PLEKHG4B: variants seen among roughly 807,000 people sequenced by gnomAD.
PLEKHG4B encodes the protein pleckstrin homology domain-containing family G member 4B.
A neutral mutation model predicts 121.3 loss-of-function variants in PLEKHG4B; 111 were observed. The observed-to-expected ratio is 0.92, with a 90% confidence interval of 0.78 to 1.07. PLEKHG4B has a LOEUF of 1.07. PLEKHG4B is among the 50% of genes least tolerant of loss of function. The pLI, the probability that PLEKHG4B is intolerant of heterozygous loss-of-function variation, is 0.00. For missense variants in PLEKHG4B, 1,831 were observed against 1,757.8 expected (o/e 1.04, Z -0.74); for synonymous variants, 738 against 725.0 (o/e 1.02, Z -0.29).
At position 169,546 on chromosome 5, in the gene PLEKHG4B, G is replaced by A. The variant is rs745439198; in HGVS notation, c.3683G>A (p.Arg1228His). Residue 1228 changes from arginine (R) to histidine (H), a missense_variant, in exon 14 of 20, where the codon CGC (arginine) becomes CAC (histidine). By Grantham distance (29) the Arg-to-His change is conservative (BLOSUM62 0). Transcript: ENST00000637938. ...CAGCACTTCCTCCGGGAGCTGGAGC[G>A]CTGCCAGCACTGCCCCTTGGCCGTG... is the stretch of plus-strand genomic sequence containing the variant. ...HQQHFLRELE[R>H]CQHCPLAVGR... is the part of the protein sequence containing the mutation. 17 of 1,613,796 alleles carry A rather than the reference G, an allele frequency of 1.1e-5. No homozygotes were observed. The highest frequency in any genetic ancestry group is 2.2e-5 in the East Asian group (1 of 44,902).
chr5:165,779 G>C (rs545597277), intron 13 of PLEKHG4B, among the ~76,000 whole-genome samples: 8 of 20,450 alleles, frequency 3.9e-4, no homozygotes, highest in African/African-American at 1.1e-3. Context: ...GTAATCCTCT[G>C]ACGGGGCGGA....
In PLEKHG4B at chr5:157,824, C is replaced by T. The variant is rs1179305131; in HGVS notation, c.2487+913C>T. Among the ~76,000 whole-genome samples the T allele has an allele frequency of 6.6e-6, 1 of 152,176 alleles. No individual in the cohort carries two copies. Among genetic ancestry groups the T allele is most frequent in the Non-Finnish European group, 1.5e-5 (1 of 68,022 alleles). On this transcript the variant is annotated intron_variant, in intron 11 of 19. Coordinates refer to ENST00000637938, the MANE Select transcript of PLEKHG4B (RefSeq NM_052909.5). This position sits in a 1 kb window ranked among gnomAD's most constrained non-coding sequence, Gnocchi z 4.6. ...TGCGATGAATGTGCGGGTGAAAGAG[C>T]CAGCAGCATGGAGAGGCAGCAGTGG... is the stretch of plus-strand genomic sequence containing the variant.
intron 13 of PLEKHG4B, among the ~76,000 whole-genome samples, chr5:165,895 G>T (rs1736312645): frequency 4.9e-5 from 1 of 20,400 alleles, no homozygotes. Flanking sequence ...TGCTCTGACG[G>T]GGCGGAGCTC....
intron 1 of PLEKHG4B, among the ~76,000 whole-genome samples, chr5:102,482 T>G (rs370476551): frequency 4.3e-4 from 66 of 152,238 alleles, no homozygotes; most frequent in African/African-American, 1.6e-3. Context: ...TATCTCAGGG[T>G]AAACACTGCA....
Position 137,522 on chromosome 5 carries a change from G to C in PLEKHG4B, c.244-1961G>C, listed in dbSNP as rs1735019301. 1.3e-5 allele frequency among the ~76,000 whole-genome samples: 2 copies of C among 152,290 alleles called. No homozygotes were observed. The highest frequency in any genetic ancestry group is 3.9e-4 in the East Asian group (2 of 5,188). On this transcript the variant is annotated intron_variant, in intron 2 of 19. Coordinates refer to ENST00000637938, the MANE Select transcript of PLEKHG4B (RefSeq NM_052909.5). The surrounding 1 kb of genome is among the most constrained non-coding windows in gnomAD (Gnocchi z 4.2). ...CGGACCAGTTCCCTTCTACAGTGAA[G>C]AAACCCTATGCATATTGGAAATAGG... is the stretch of plus-strand genomic sequence containing the variant.
intron 2 of PLEKHG4B, among the ~76,000 whole-genome samples, chr5:119,033 A>AT (rs1734389767): frequency 1.3e-5 from 2 of 151,782 alleles, no homozygotes; most frequent in African/African-American, 4.8e-5. Flanking sequence ...TTATTTTTAA[A>AT]ATTTTTTGTA....
chr5:94,767 C>G (rs1048052669), intron 1 of PLEKHG4B, among the ~76,000 whole-genome samples: 1 of 152,014 alleles, frequency 6.6e-6, no homozygotes, highest in African/African-American at 2.4e-5. Context: ...ATCTTTTGTC[C>G]AAAGAACAGG....
In PLEKHG4B at chr5:137,382, C is replaced by T. The variant is rs759108392; in HGVS notation, c.244-2101C>T. Among the ~76,000 whole-genome samples the T allele has an allele frequency of 6.6e-6, 1 of 152,080 alleles. No homozygotes were observed. The highest frequency in any genetic ancestry group is 2.4e-5 in the African/African-American group (1 of 41,410). ...TACTTAATGCCACTGAACTGTACCC[C>T]GTAAACATAGTTATGCTGGTGAACT... On this transcript the variant is annotated intron_variant, in intron 2 of 19. Coordinates refer to ENST00000637938, the MANE Select transcript of PLEKHG4B (RefSeq NM_052909.5). The surrounding 1 kb of genome is among the most constrained non-coding windows in gnomAD (Gnocchi z 4.2).
In PLEKHG4B at chr5:162,637, C is replaced by T. The variant is rs562460612; in HGVS notation, c.2650-85C>T. 1.8e-5 allele frequency: 19 copies of T among 1,041,284 alleles called. 2 individuals are homozygous for T. In the South Asian group the frequency reaches 5.9e-4, roughly 32 times the overall value. The allele number at this position is 1,041,284 out of a possible 1,614,324, so 64.5% of individuals were successfully genotyped here. ...TCTGGCCCCCTGGTCCCTGAATAGG[C>T]TGACCTGGGGAACAGCAGGGCCTGA... is the stretch of plus-strand genomic sequence containing the variant. On this transcript the variant is annotated intron_variant, in intron 12 of 19. Coordinates refer to ENST00000637938, the MANE Select transcript of PLEKHG4B (RefSeq NM_052909.5).
chr5:138,035 T>C (rs957063841), intron 2 of PLEKHG4B, among the ~76,000 whole-genome samples: 6 of 152,224 alleles, frequency 3.9e-5, no homozygotes, highest in Non-Finnish European at 7.3e-5. Flanking sequence ...GGTGGGCCAA[T>C]GTCTGTATGG....
chr5:94,936 T>C (rs933450399), intron 1 of PLEKHG4B, among the ~76,000 whole-genome samples: 8 of 152,134 alleles, frequency 5.3e-5, no homozygotes, highest in East Asian at 1.9e-4. Context: ...TGAAAAGAGA[T>C]GTACACAAGC....
intron 1 of PLEKHG4B, among the ~76,000 whole-genome samples, chr5:102,993 C>A (rs545392977): frequency 3.3e-5 from 5 of 152,286 alleles, no homozygotes; most frequent in African/African-American, 7.2e-5. Flanking sequence ...GCTGAGGCTC[C>A]GGGTGAGGCA....
intron 8 of PLEKHG4B, 103 bp downstream of exon 8, chr5:155,094 C>A: frequency 9.7e-7 from 1 of 1,035,526 alleles, no homozygotes; most frequent in Non-Finnish European, 1.5e-6. Context: ...CGTCCCTGAT[C>A]TGATGCTTGT....
At chr5:126,236 C>T (rs954581342) in intron 2 of PLEKHG4B, among the ~76,000 whole-genome samples, 4 of 152,164 alleles carry the variant, frequency 2.6e-5, no homozygotes, top group African/African-American at 9.7e-5. Flanking sequence ...GCTGGCTGCT[C>T]GATGGTATCC....
At position 155,944 on chromosome 5, in the gene PLEKHG4B, G is replaced by A. The variant is rs1026990264; in HGVS notation, c.2209-127G>A. 15 of 952,544 alleles carry A rather than the reference G, an allele frequency of 1.6e-5. No homozygotes were observed. The African/African-American group carries it at 2.5e-4, about 16-fold the overall frequency. 59.0% of individuals were successfully genotyped at this position (952,544 alleles called of 1,614,324 possible). ...TCCGGACCATCAGCTTGAGGAGTGG[G>A]CACTGTCATGCCGCCAGGCCTGCAG... On this transcript the variant is annotated intron_variant, in intron 9 of 19. Coordinates refer to ENST00000637938, the MANE Select transcript of PLEKHG4B (RefSeq NM_052909.5).
chr5:182,193 GC>G lies in PLEKHG4B; in HGVS notation c.4758del (p.Trp1587GlyfsTer18), dbSNP rs767390515. The G allele has an allele frequency of 4.3e-6, 7 of 1,613,830 alleles. No individual in the cohort carries two copies. In the Admixed American group the frequency reaches 1.2e-4, roughly 27 times the overall value. On this transcript the variant is annotated frameshift_variant, in exon 20 of 20. Coordinates refer to ENST00000637938, the MANE Select transcript of PLEKHG4B (RefSeq NM_052909.5). LOFTEE classifies it low-confidence loss of function (END_TRUNC). ...AHPGLWSPAH[S>X]PWSSDIRACV... is the part of the protein sequence containing the mutation. The stretch of plus-strand genomic sequence containing the variant: ...CCGGGCCTATGGAGCCCTGCCCACA[GC>G]CCCTGGTCATCTGATATCAGAGCCT...
rs1462555636 is a variant in PLEKHG4B at position 156,859 on chromosome 5, A to C, written c.2435A>C (p.Gln812Pro). 1.9e-6 allele frequency: 3 copies of C among 1,609,126 alleles called. No homozygotes were observed. The highest frequency in any genetic ancestry group is 1.7e-5 in the Admixed American group (1 of 59,656). Reference sequence around the variant, plus strand: ...GTCCTCACCTCGAACAATCGTCTCCAGCAGCTGGAGCACCTCCGGGAGCTG... The same window carrying C: ...GTCCTCACCTCGAACAATCGTCTCCCGCAGCTGGAGCACCTCCGGGAGCTG... ...RLVLTSNNRL[Q>P]QLEHLRELAS... The change falls in exon 11 of 20, where the codon CAG becomes CCG. Residue 812 changes from glutamine (Q) to proline (P), a missense_variant. Physicochemically the swap from Gln to Pro is moderately conservative, Grantham distance 76. Transcript: ENST00000637938. This position sits in a 1 kb window ranked among gnomAD's most constrained non-coding sequence, Gnocchi z 4.4.
At chr5:128,880 C>G (rs1180643412) in intron 2 of PLEKHG4B, among the ~76,000 whole-genome samples, 1 of 152,138 alleles carries the variant, frequency 6.6e-6, no homozygotes, top group African/African-American at 2.4e-5. Flanking sequence ...CCCAAAGAAA[C>G]TGGAAGAACG....
chr5:128,734 C>T (rs1375354111), intron 2 of PLEKHG4B, among the ~76,000 whole-genome samples: 1 of 152,218 alleles, frequency 6.6e-6, no homozygotes, highest in African/African-American at 2.4e-5. Context: ...GGGAGACAGA[C>T]TGCTGGTGCC....
Sources: gnomAD v4.1 joint callset for allele counts (sites outside exome capture counted in the v4.1 genomes callset) on GRCh38, gnomAD v4.1.1 for gene constraint, Gnocchi (gnomAD v3.1) non-coding constraint, MANE v1.5 for transcripts, NCBI Gene and HGNC (gene_info 2026-07-23, HGNC 2026-07-21) for gene names.